Variants in DLG1 observed in about 807,000 individuals in gnomAD.
DLG1 encodes discs large MAGUK scaffold protein 1, also known as disks large homolog 1.
DLG1 carries 42 observed loss-of-function variants against 123.4 expected under a neutral mutation model. The ratio of observed to expected loss-of-function variants is 0.34; its 90% CI spans 0.27 to 0.44. DLG1 has a LOEUF of 0.44. Ranked by LOEUF, DLG1 falls within the 20% of genes least tolerant of loss-of-function variation. DLG1 has a pLI of 1.00. For missense variants in DLG1, 942 were observed against 1,082.6 expected (o/e 0.87, Z 1.82); for synonymous variants, 317 against 356.2 (o/e 0.89, Z 1.24).
At chr3:197,092,916 A>T (rs185923792) in intron 14 of DLG1, among the ~76,000 whole-genome samples, 30 of 152,214 alleles carry the variant, frequency 2.0e-4, no homozygotes, top group Non-Finnish European at 2.6e-4. Flanking sequence ...TGCCTTTAAA[A>T]TTTTTCATTG....
In DLG1 at chr3:197,248,239, G is replaced by A. The variant is rs541782831; in HGVS notation, c.318+34440C>T. Reference sequence around the variant, plus strand: ...TTCTTACTTTGATCTCGACCACCAAGGAAATACTTCACTGCCCCCACGGCT... The same window carrying A: ...TTCTTACTTTGATCTCGACCACCAAAGAAATACTTCACTGCCCCCACGGCT... On this transcript the variant is annotated intron_variant, in intron 4 of 24. Coordinates refer to ENST00000667157, the MANE Select transcript of DLG1 (RefSeq NM_001366207.1). 2.0e-4 allele frequency among the ~76,000 whole-genome samples: 31 copies of A among 152,236 alleles called. No individual in the cohort carries two copies. In the East Asian group the frequency reaches 4.6e-3, roughly 23 times the overall value.
In DLG1 at chr3:197,149,634, C is replaced by T; in HGVS notation, c.537+109G>A. On this transcript the variant is annotated intron_variant, in intron 6 of 24. Coordinates refer to ENST00000667157, the MANE Select transcript of DLG1 (RefSeq NM_001366207.1). The stretch of plus-strand genomic sequence containing the variant: ...GCTATAGTATATAGTGATAGAACAT[C>T]TTAAGAGAAATGTATTAGAGAAAAC... 8 of 776,976 alleles carry T rather than the reference C, an allele frequency of 1.0e-5. No individual in the cohort carries two copies. In the East Asian group the frequency reaches 2.0e-4, roughly 19 times the overall value. The allele number at this position is 776,976 out of a possible 1,614,324, so 48.1% of individuals were successfully genotyped here. A position where few individuals can be genotyped will look rare whatever the true frequency, so the allele number is the denominator to read the frequency against.
At chr3:197,261,534 T>G (rs895579001) in intron 4 of DLG1, among the ~76,000 whole-genome samples, 16 of 152,238 alleles carry the variant, frequency 1.1e-4, no homozygotes, top group African/African-American at 3.9e-4. Context: ...CAAAGTTTCC[T>G]CACAGTTTAC....
intron 5 of DLG1, among the ~76,000 whole-genome samples, chr3:197,192,508 A>G (rs1720153147): frequency 6.6e-6 from 1 of 152,030 alleles, no homozygotes; most frequent in African/African-American, 2.4e-5. Context: ...GGAAGAAAAG[A>G]TAGAAGAACT....
intron 15 of DLG1, among the ~76,000 whole-genome samples, chr3:197,089,854 GA>G (rs149779646): frequency 4.0e-5 from 6 of 151,066 alleles, no homozygotes; most frequent in Admixed American, 6.6e-5. Flanking sequence ...TTGGCGAAGG[GA>G]AAAAAAAATC....
At chr3:197,087,441 G>C (rs1321465711) in intron 15 of DLG1, among the ~76,000 whole-genome samples, 1 of 151,924 alleles carries the variant, frequency 6.6e-6, no homozygotes, top group Non-Finnish European at 1.5e-5. Flanking sequence ...AGCTACTTGG[G>C]ATGTTAAGGT....
chr3:197,130,662 C>A lies in DLG1; in HGVS notation c.1030G>T (p.Val344Leu), dbSNP rs151290819. Residue 344 changes from valine to leucine, a missense_variant, in exon 11 of 25, where the codon GTA becomes TTA. Transcript: ENST00000667157. ...TCATGAGTAACTTCTTCTAAACATA[C>A]GTTATTCACCTAAAAAAAGTCCCAA... ...IGDKLLAVNN[V>L]CLEEVTHEEA... 3 of 1,592,378 alleles carry A rather than the reference C, an allele frequency of 1.9e-6. No individual in the cohort carries two copies. The highest frequency in any genetic ancestry group is 2.6e-6 in the Non-Finnish European group (3 of 1,171,520).
intron 22 of DLG1, among the ~76,000 whole-genome samples, chr3:197,060,348 G>C (rs1047533752): frequency 6.6e-6 from 1 of 152,016 alleles, no homozygotes; most frequent in Non-Finnish European, 1.5e-5. Flanking sequence ...GACCAGGCTG[G>C]TCTTGAACTC....
intron 15 of DLG1, among the ~76,000 whole-genome samples, chr3:197,089,813 G>A (rs1756718352): frequency 6.6e-6 from 1 of 152,028 alleles, no homozygotes; most frequent in East Asian, 1.9e-4. Flanking sequence ...AATGACTTTG[G>A]AACACAAGAG....
intron 3 of DLG1, among the ~76,000 whole-genome samples, chr3:197,291,424 T>C (rs936425011): frequency 6.6e-6 from 1 of 152,158 alleles, no homozygotes; most frequent in Non-Finnish European, 1.5e-5. Flanking sequence ...TTTACCACTA[T>C]AGCTGGAAGA....
At chr3:197,230,241 T>A (rs1229580043) in intron 4 of DLG1, among the ~76,000 whole-genome samples, 1 of 152,212 alleles carries the variant, frequency 6.6e-6, no homozygotes, top group Non-Finnish European at 1.5e-5. Flanking sequence ...AAACTGCCTG[T>A]TTAGATTTAT....
chr3:197,260,750 C>CAAAAAAAAAAAAAAAAAAAAA (rs570596943), intron 4 of DLG1, among the ~76,000 whole-genome samples: 2 of 18,316 alleles, frequency 1.1e-4, no homozygotes, highest in Non-Finnish European at 1.9e-4. Context: ...TGACAACCAC[C>CAAAAAAAAAAAAAAAAAAAAA]AAAAAAAAAA....
chr3:197,065,485 T>A (rs1738864890), intron 21 of DLG1, 37 bp from the exon 22 acceptor site: 4 of 1,367,484 alleles, frequency 2.9e-6, no homozygotes, highest in South Asian at 1.5e-5. Flanking sequence ...TGTTTAATAT[T>A]AAAAAAAAAA....
intron 11 of DLG1, among the ~76,000 whole-genome samples, chr3:197,121,260 A>C (rs990849853): frequency 3.3e-5 from 5 of 152,176 alleles, no homozygotes; most frequent in Non-Finnish European, 7.4e-5. Context: ...GACGGCCTCA[A>C]AGAAGGATCA....
intron 4 of DLG1, among the ~76,000 whole-genome samples, chr3:197,231,542 A>G (rs1034888605): frequency 4.6e-5 from 7 of 152,040 alleles, no homozygotes; most frequent in Non-Finnish European, 1.0e-4. Context: ...CTCTACAAAA[A>G]ATACAAAAAT....
At chr3:197,281,537 T>G (rs757310991) in intron 4 of DLG1, among the ~76,000 whole-genome samples, 1 of 152,086 alleles carries the variant, frequency 6.6e-6, no homozygotes, top group Non-Finnish European at 1.5e-5. Flanking sequence ...CAGACTATTA[T>G]AAAAGCAAGT....
At chr3:197,066,940 T>C (rs1032322817) in intron 19 of DLG1, among the ~76,000 whole-genome samples, 186 bp from the exon 20 acceptor site, 2 of 152,168 alleles carry the variant, frequency 1.3e-5, no homozygotes, top group African/African-American at 4.8e-5. Context: ...AAAGTGAGTT[T>C]GCTAAATGTA....
chr3:197,076,791 C>T, intron 17 of DLG1, 106 bp from the exon 18 acceptor site: 1 of 610,314 alleles, frequency 1.6e-6, no homozygotes, highest in East Asian at 3.0e-5. Flanking sequence ...CCACAGTGTG[C>T]AGTTTGTATA....
chr3:197,151,679 A>G (rs564501173), intron 5 of DLG1, among the ~76,000 whole-genome samples: 1 of 152,234 alleles, frequency 6.6e-6, no homozygotes, highest in Non-Finnish European at 1.5e-5. Flanking sequence ...CTTTGAGCCA[A>G]GTACTCAGTT....
Sources: allele counts gnomAD v4.1 joint callset (sites outside exome capture counted in the v4.1 genomes callset), GRCh38; gene constraint gnomAD v4.1.1; transcripts MANE v1.5; gene names NCBI Gene and HGNC (gene_info 2026-07-23, HGNC 2026-07-21).